The following DNAJC13 variants were observed in gnomAD, a reference collection of about 807,000 sequenced individuals.
DNAJC13 encodes the protein DnaJ heat shock protein family (Hsp40) member C13.
Under a neutral mutation model 290.5 loss-of-function variants are expected in DNAJC13, and 75 were observed. That is an observed-to-expected ratio of 0.26 (90% CI 0.21 to 0.31). DNAJC13 has a LOEUF of 0.31. Ranked by LOEUF, DNAJC13 falls within the 10% of genes least tolerant of loss-of-function variation. The pLI, the probability that DNAJC13 is intolerant of heterozygous loss-of-function variation, is 1.00. For synonymous variants in DNAJC13, 862 were observed against 892.0 expected, an observed-to-expected ratio of 0.97 and a Z score of 0.60; for missense variants, 2,260 against 2,674.5, an observed-to-expected ratio of 0.85 and a Z score of 3.42.
rs752023121 is a variant in DNAJC13, at chr3:132,492,502, C to A, written c.3712C>A (p.Pro1238Thr). Residue 1238 changes from proline (P) to threonine (T), a missense_variant, in exon 33 of 56, where the codon CCC becomes ACC. Physicochemically the swap from Pro to Thr is conservative, Grantham distance 38. Around this residue, in one of 3 missense-constraint regions of DNAJC13, gnomAD observed 1,494 missense variants for 1,693.7 expected, o/e 0.88. Coordinates refer to ENST00000260818, the MANE Select transcript of DNAJC13 (RefSeq NM_015268.4). The stretch of plus-strand genomic sequence containing the variant: ...CACAAGAGCACTTTATCAGTATTGC[C>A]CCATTCCTATAATCAACTATCCACA... Reference protein sequence around the residue: ...SNTRALYQYCPIPIINYPQLE... With the variant: ...SNTRALYQYCTIPIINYPQLE... 6.2e-7 allele frequency: 1 copy of A among 1,613,696 alleles called. No homozygotes were observed. The highest frequency in any genetic ancestry group is 8.5e-7 in the Non-Finnish European group (1 of 1,179,838).
chr3:132,473,465 G>A (rs1276294868), intron 21 of DNAJC13, among the ~76,000 whole-genome samples: 1 of 152,192 alleles, frequency 6.6e-6, no homozygotes, highest in Non-Finnish European at 1.5e-5. Context: ...TTAAGGCTTA[G>A]AGATGCTTAT....
chr3:132,530,633 A>G (rs1301110625), intron 54 of DNAJC13, among the ~76,000 whole-genome samples: 3 of 152,136 alleles, frequency 2.0e-5, no homozygotes, highest in Admixed American at 6.5e-5. Flanking sequence ...CTTCTCCCCA[A>G]ACTCCTTCCT....
At chr3:132,513,177 T>A in intron 45 of DNAJC13, 78 bp downstream of exon 45, 1 of 1,247,534 alleles carries the variant, frequency 8.0e-7, no homozygotes, top group Non-Finnish European at 1.2e-6. Flanking sequence ...TCAGTCATTG[T>A]CTGAAGTTGA....
At position 132,456,852 on chromosome 3, in the gene DNAJC13, T is replaced by A; in HGVS notation, c.1349+20T>A. On this transcript the variant is annotated intron_variant, in intron 12 of 55. Coordinates refer to ENST00000260818, the MANE Select transcript of DNAJC13 (RefSeq NM_015268.4). ...TCCAAAGTAAGTTGTCTTCTGAAAC[T>A]TAACTTCTCTTAGAGAATTTGAACT... The A allele has an allele frequency of 6.2e-7, 1 of 1,608,026 alleles. No individual in the cohort carries two copies. The highest frequency in any genetic ancestry group is 8.5e-7 in the Non-Finnish European group (1 of 1,177,594).
In DNAJC13 at chr3:132,508,875, G is replaced by T. The variant is rs1008833279; in HGVS notation, c.5115+1522G>T. ...TGGCATGTTTTACCAAATATTTTAAGCCCACTGTGGAGACCTACTGCTCAG... is the reference window on the plus strand; with the variant it reads ...TGGCATGTTTTACCAAATATTTTAATCCCACTGTGGAGACCTACTGCTCAG... On this transcript the variant is annotated intron_variant, in intron 43 of 55. Coordinates refer to ENST00000260818, the MANE Select transcript of DNAJC13 (RefSeq NM_015268.4). 2.0e-5 allele frequency among the ~76,000 whole-genome samples: 3 copies of T among 152,166 alleles called. No individual in the cohort carries two copies. The South Asian group carries it at 6.2e-4, about 32-fold the overall frequency.
intron 6 of DNAJC13, among the ~76,000 whole-genome samples, chr3:132,451,666 G>A (rs1275350938): frequency 1.3e-5 from 2 of 152,054 alleles, no homozygotes; most frequent in African/African-American, 2.4e-5. Flanking sequence ...TTTAATTCTT[G>A]TAGCTACCTT....
At chr3:132,512,585 T>C (rs1486179489) in intron 44 of DNAJC13, among the ~76,000 whole-genome samples, 1 of 152,188 alleles carries the variant, frequency 6.6e-6, no homozygotes, top group Non-Finnish European at 1.5e-5. Context: ...GTTTGTATTA[T>C]AGTTAAGTGG....
At position 132,523,561 on chromosome 3, in the gene DNAJC13, G is replaced by A. The variant is rs749746816; in HGVS notation, c.5908G>A (p.Val1970Met). ...NWKLPEDFAV[V>M]FGEAEGELAV... The stretch of plus-strand genomic sequence containing the variant: ...AAAGTTGCCTGAAGATTTTGCTGTG[G>A]TGTTTGGAGAAGCAGAGGGTGAACT... Residue 1970 changes from valine to methionine, a missense_variant, in exon 51 of 56, where the codon GTG becomes ATG. Val to Met is a conservative substitution (Grantham distance 21). Coordinates refer to ENST00000260818, the MANE Select transcript of DNAJC13 (RefSeq NM_015268.4). The A allele has an allele frequency of 3.3e-5, 54 of 1,613,504 alleles. No individual in the cohort carries two copies. The highest frequency in any genetic ancestry group is 1.6e-4 in the Middle Eastern group (1 of 6,076).
chr3:132,420,683 T>TCGCC (rs1231308595), intron 1 of DNAJC13, among the ~76,000 whole-genome samples: 7 of 151,716 alleles, frequency 4.6e-5, no homozygotes, highest in Non-Finnish European at 8.8e-5. Context: ...TAGTAAACCA[T>TCGCC]CGCCCACCAG....
chr3:132,452,539 C>T (rs1404287521), intron 6 of DNAJC13, among the ~76,000 whole-genome samples: 1 of 152,160 alleles, frequency 6.6e-6, no homozygotes, highest in Non-Finnish European at 1.5e-5. Context: ...CATTTCTGGC[C>T]TCTAGACACC....
At chr3:132,435,440 A>G (rs902275545) in intron 2 of DNAJC13, among the ~76,000 whole-genome samples, 17 of 152,154 alleles carry the variant, frequency 1.1e-4, no homozygotes, top group Admixed American at 9.8e-4. Context: ...TCAACTTTTC[A>G]TTTTTTAGTC....
intron 20 of DNAJC13, among the ~76,000 whole-genome samples, chr3:132,468,187 A>G (rs1459350307): frequency 6.6e-6 from 1 of 152,182 alleles, no homozygotes; most frequent in Non-Finnish European, 1.5e-5. Flanking sequence ...TTCTATCTAT[A>G]ATGGGTTTGG....
Position 132,454,105 on chromosome 3 carries a change from T to C in DNAJC13, c.880T>C (p.Phe294Leu), listed in dbSNP as rs1161122486. 3 of 1,609,174 alleles carry C rather than the reference T, an allele frequency of 1.9e-6. No homozygotes were observed. The highest frequency in any genetic ancestry group is 3.4e-5 in the Admixed American group (2 of 59,346). Reference protein sequence around the residue: ...LVCDSENPQLFTIEFIKGQVR... With the variant: ...LVCDSENPQLLTIEFIKGQVR... ...CTGTGACTCAGAAAATCCACAACTT[T>C]TTACCATTGAATTTATAAAAGGGCA... Residue 294 changes from phenylalanine (F) to leucine (L), a missense_variant, in exon 9 of 56, where the codon TTT (phenylalanine) becomes CTT (leucine). Physicochemically the swap from Phe to Leu is conservative, Grantham distance 22. Coordinates refer to ENST00000260818, the MANE Select transcript of DNAJC13 (RefSeq NM_015268.4).
rs941728882 is a variant in DNAJC13, at chr3:132,483,253, C to A, written c.2980-122C>A. 1.4e-5 allele frequency: 14 copies of A among 973,644 alleles called. No individual in the cohort carries two copies. In the African/African-American group the frequency reaches 2.0e-4, roughly 14 times the overall value. 60.3% of individuals were successfully genotyped at this position (973,644 alleles called of 1,614,324 possible). Reference sequence around the variant, plus strand: ...GGCCTGTCAACAAAACTTATTTTTTCTGAAATAGTGTACTTACATGTTTGT... The same window carrying A: ...GGCCTGTCAACAAAACTTATTTTTTATGAAATAGTGTACTTACATGTTTGT... On this transcript the variant is annotated intron_variant, in intron 27 of 55. Transcript: ENST00000260818.
chr3:132,433,514 C>T lies in DNAJC13; in HGVS notation c.-13-1024C>T, dbSNP rs949075989. ...CTGGTCTCAAACTCCTGGTCTCAAG[C>T]GATCCTCCCACCTCAGCCTCAGAAT... On this transcript the variant is annotated intron_variant, in intron 1 of 55. Transcript: ENST00000260818. Among the ~76,000 whole-genome samples, 4 of 151,672 alleles carry T rather than the reference C, an allele frequency of 2.6e-5. No individual in the cohort carries two copies. In the South Asian group the frequency reaches 8.3e-4, roughly 32 times the overall value.
rs267599610 is a variant in DNAJC13, at chr3:132,447,393, C to T, written c.217C>T (p.Arg73Cys). ...GQGTEFNLTF[R>C]KGSGKKSETL... ...AGGAACGGAGTTCAACCTCACATTT[C>T]GTAAAGGCAGTGGAAAAAAGTCAGA... The change falls in exon 4 of 56, where the codon CGT becomes TGT. Residue 73 changes from arginine (R) to cysteine (C), a missense_variant. Physicochemically the swap from Arg to Cys is radical, Grantham distance 180. Coordinates refer to ENST00000260818, the MANE Select transcript of DNAJC13 (RefSeq NM_015268.4). 2.9e-5 allele frequency: 46 copies of T among 1,607,982 alleles called. 1 individual carries two copies. The Admixed American group carries it at 4.1e-4, about 14-fold the overall frequency.
chr3:132,532,767 T>G (rs372529759), intron 55 of DNAJC13, among the ~76,000 whole-genome samples: 2 of 151,912 alleles, frequency 1.3e-5, no homozygotes, highest in African/African-American at 2.4e-5. Flanking sequence ...TGAGACAGTC[T>G]TGCTCTCTCA....
At chr3:132,444,680 T>A (rs1222946656) in intron 2 of DNAJC13, among the ~76,000 whole-genome samples, 2 of 152,232 alleles carry the variant, frequency 1.3e-5, no homozygotes, top group Non-Finnish European at 2.9e-5. Flanking sequence ...ATCACACATT[T>A]GATTTCACTG....
At chr3:132,463,942 CTTTTCCT>C in intron 17 of DNAJC13, 125 bp downstream of exon 17, 1 of 1,116,418 alleles carries the variant, frequency 9.0e-7, no homozygotes, top group Non-Finnish European at 1.2e-6. Context: ...CCACCTAGTT[CTTTTCCT>C]TTCCTTACAG....
Sources: allele counts gnomAD v4.1 joint callset (sites outside exome capture counted in the v4.1 genomes callset), GRCh38; gene constraint gnomAD v4.1.1; regional missense constraint gnomAD v4.1.1; transcripts MANE v1.5; gene names NCBI Gene and HGNC (gene_info 2026-07-23, HGNC 2026-07-21).